Variants in PHLPP2 observed in about 807,000 individuals in gnomAD.
The protein encoded by PHLPP2 is PH domain and leucine rich repeat protein phosphatase 2.
A neutral mutation model predicts 124.9 loss-of-function variants in PHLPP2; 66 were observed. The observed-to-expected ratio is 0.53, with a 90% confidence interval of 0.43 to 0.65. PHLPP2 has a LOEUF of 0.65. Among genes scored for constraint, PHLPP2 ranks in the 30% least tolerant of loss-of-function variants. The pLI is 0.00. For missense variants in PHLPP2, 1,685 were observed against 1,600.4 expected (o/e 1.05, Z -0.90); for synonymous variants, 681 against 624.7 (o/e 1.09, Z -1.34).
intron 1 of PHLPP2, among the ~76,000 whole-genome samples, chr16:71,716,944 G>C (rs2045367042): frequency 6.6e-6 from 1 of 152,198 alleles, no homozygotes; most frequent in Admixed American, 6.5e-5. Flanking sequence ...TTATTTATTT[G>C]ATATTTCTTC....
chr16:71,714,724 T>G lies in PHLPP2; in HGVS notation c.72A>C (p.Leu24=). ...SRFGSRERDW[L]REDVKRGCVY... Reference sequence around the variant, plus strand: ...CACAGCCTCTCTTTACATCTTCTCTTAGCCAGTCTCTTTCTCGAGAACCAA... The same window carrying G: ...CACAGCCTCTCTTTACATCTTCTCTGAGCCAGTCTCTTTCTCGAGAACCAA... Residue 24 remains leucine, a synonymous_variant, in exon 2 of 19, where the codon CTA becomes CTC. Coordinates refer to ENST00000568954, the MANE Select transcript of PHLPP2 (RefSeq NM_015020.3). The G allele has an allele frequency of 1.2e-6, 2 of 1,614,186 alleles. No individual in the cohort carries two copies. The highest frequency in any genetic ancestry group is 1.7e-6 in the Non-Finnish European group (2 of 1,180,022).
chr16:71,660,747 G>A (rs1313802807), intron 13 of PHLPP2, among the ~76,000 whole-genome samples: 2 of 152,044 alleles, frequency 1.3e-5, no homozygotes, highest in Non-Finnish European at 2.9e-5. Flanking sequence ...TATTTTAAAA[G>A]TGTTCCCATG....
At chr16:71,661,442 C>G (rs1312340872) in intron 13 of PHLPP2, among the ~76,000 whole-genome samples, 1 of 152,084 alleles carries the variant, frequency 6.6e-6, no homozygotes, top group Non-Finnish European at 1.5e-5. Context: ...TATCAACCTG[C>G]TTTTGACCCC....
chr16:71,658,604 C>T, intron 14 of PHLPP2, 49 bp downstream of exon 14: 1 of 1,554,344 alleles, frequency 6.4e-7, no homozygotes, highest in Non-Finnish European at 8.8e-7. Flanking sequence ...GTCATTCACT[C>T]TCCTGCCATT....
In PHLPP2 at chr16:71,679,243, T is replaced by C. The variant is rs150706897; in HGVS notation, c.1037+146A>G. On this transcript the variant is annotated intron_variant, in intron 7 of 18. Coordinates refer to ENST00000568954, the MANE Select transcript of PHLPP2 (RefSeq NM_015020.3). ...TCACTGCTATGGGCAGGTATATCTC[T>C]GAGGTCAAAAACTGCTGCTGACTAG... 103 of 722,018 alleles carry C rather than the reference T, an allele frequency of 1.4e-4. No individual in the cohort carries two copies. The Admixed American group carries it at 2.1e-3, about 15-fold the overall frequency. 44.7% of individuals were successfully genotyped at this position (722,018 alleles called of 1,614,324 possible). A position where few individuals can be genotyped will look rare whatever the true frequency, so the allele number is the denominator to read the frequency against.
chr16:71,702,461 G>C lies in PHLPP2; in HGVS notation c.418+137C>G. 6 of 570,310 alleles carry C rather than the reference G, an allele frequency of 1.1e-5. No homozygotes were observed. The South Asian group carries it at 2.1e-4, about 20-fold the overall frequency. 35.3% of individuals were successfully genotyped at this position (570,310 alleles called of 1,614,324 possible). A position where few individuals can be genotyped will look rare whatever the true frequency, so the allele number is the denominator to read the frequency against. ...ACCTCTTGGCTTTTGTTGTTGTTTGGTTGGTGTTAACTACGTTAGTTAATT... is the reference window on the plus strand; with the variant it reads ...ACCTCTTGGCTTTTGTTGTTGTTTGCTTGGTGTTAACTACGTTAGTTAATT... On this transcript the variant is annotated intron_variant, in intron 3 of 18. Transcript: ENST00000568954.
intron 2 of PHLPP2, among the ~76,000 whole-genome samples, chr16:71,712,854 A>G (rs372329612): frequency 1.1e-4 from 17 of 152,316 alleles, no homozygotes; most frequent in Admixed American, 9.2e-4. Flanking sequence ...TTCACTTTCA[A>G]CAGTATTAAA....
At chr16:71,663,407 A>G (rs1477983155) in intron 13 of PHLPP2, among the ~76,000 whole-genome samples, 1 of 152,180 alleles carries the variant, frequency 6.6e-6, no homozygotes, top group Non-Finnish European at 1.5e-5. Context: ...CACCACTCCC[A>G]GCCAAACACC....
At chr16:71,671,528 A>T (rs2044892760) in intron 10 of PHLPP2, among the ~76,000 whole-genome samples, 1 of 152,104 alleles carries the variant, frequency 6.6e-6, no homozygotes, top group Non-Finnish European at 1.5e-5. Context: ...AAATGAATAA[A>T]AAGTAATAAA....
chr16:71,681,460 C>T (rs977316972), intron 6 of PHLPP2, among the ~76,000 whole-genome samples: 8 of 152,004 alleles, frequency 5.3e-5, no homozygotes, highest in Non-Finnish European at 1.0e-4. Flanking sequence ...AAAAATTTCC[C>T]GTATACTAAA....
At chr16:71,720,808 T>C (rs8063535) in intron 1 of PHLPP2, among the ~76,000 whole-genome samples, 74,865 of 150,230 alleles carry the variant, frequency 0.5, 18,910 homozygotes, top group Middle Eastern at 0.65. Context: ...TGAGCCAAGA[T>C]CGTGCCATTG....
Position 71,695,075 on chromosome 16 carries a change from G to A in PHLPP2, c.419-4366C>T, listed in dbSNP as rs73578296. ...GCTGGGATTACAGGCATGAGCCACC[G>A]TGCCCAGCCAAGACCATCATTTTAT... is the stretch of plus-strand genomic sequence containing the variant. On this transcript the variant is annotated intron_variant, in intron 3 of 18. Coordinates refer to ENST00000568954, the MANE Select transcript of PHLPP2 (RefSeq NM_015020.3). Among the ~76,000 whole-genome samples, 380 of 152,090 alleles carry A rather than the reference G, an allele frequency of 2.5e-3. 2 individuals are homozygous for A. Among genetic ancestry groups the A allele is most frequent in the African/African-American group, 8.0e-3 (330 of 41,504 alleles).
At chr16:71,657,094 C>T (rs906604290) in intron 15 of PHLPP2, among the ~76,000 whole-genome samples, 3 of 152,150 alleles carry the variant, frequency 2.0e-5, no homozygotes, top group Admixed American at 6.6e-5. Context: ...AGGCACCTGC[C>T]GTAACAACCA....
chr16:71,672,223 T>G (rs1567617347), intron 10 of PHLPP2, 39 bp downstream of exon 10: 8 of 1,500,482 alleles, frequency 5.3e-6, no homozygotes, highest in Non-Finnish European at 7.4e-6. Context: ...ATCTCTTAAA[T>G]AGTAAGAAGC....
At chr16:71,723,779 C>G (rs1253966840) in intron 1 of PHLPP2, 2 of 1,335,370 alleles carry the variant, frequency 1.5e-6, no homozygotes, top group African/African-American at 3.1e-5. Flanking sequence ...CTTCAGGACC[C>G]GGATCCCTCC....
intron 3 of PHLPP2, among the ~76,000 whole-genome samples, chr16:71,695,209 T>G (rs1393016730): frequency 1.3e-5 from 2 of 152,212 alleles, no homozygotes; most frequent in African/African-American, 4.8e-5. Flanking sequence ...TAGTAACTAT[T>G]AATATTTTAA....
chr16:71,684,085 C>A (rs1363045997), intron 5 of PHLPP2, among the ~76,000 whole-genome samples: 1 of 151,770 alleles, frequency 6.6e-6, no homozygotes. Context: ...AGCCACTGCA[C>A]CCGGCCATCA....
At chr16:71,670,558 C>G (rs1239505945) in intron 10 of PHLPP2, among the ~76,000 whole-genome samples, 1 of 151,826 alleles carries the variant, frequency 6.6e-6, no homozygotes. Context: ...AACAAATGCA[C>G]ATAATTCTTG....
intron 3 of PHLPP2, among the ~76,000 whole-genome samples, chr16:71,701,298 ATCTATCTATC>A (rs2045230745): frequency 1.1e-5 from 1 of 91,626 alleles, no homozygotes; most frequent in Non-Finnish European, 2.1e-5. Context: ...CTATCTATCT[ATCTATCTATC>A]TATCTATATA....
Sources: gnomAD v4.1 joint callset for allele counts (sites outside exome capture counted in the v4.1 genomes callset) on GRCh38, gnomAD v4.1.1 for gene constraint, MANE v1.5 for transcripts, NCBI Gene and HGNC (gene_info 2026-07-23, HGNC 2026-07-21) for gene names.